Variants in LUZP2 observed in about 807,000 individuals in gnomAD.
LUZP2 encodes leucine zipper protein 2.
LUZP2 carries 52 observed loss-of-function variants against 51.6 expected under a neutral mutation model. The observed-to-expected ratio is 1.01, with a 90% confidence interval of 0.81 to 1.27. LUZP2 has a LOEUF of 1.27. LUZP2 is among the 50% of genes most tolerant of loss of function. LUZP2 has a pLI of 0.00. For missense variants in LUZP2, 436 were observed against 395.4 expected (o/e 1.10, Z -0.87); for synonymous variants, 154 against 137.3 (o/e 1.12, Z -0.85).
chr11:24,979,906 C>T (rs1855979096), intron 8 of LUZP2, among the ~76,000 whole-genome samples: 1 of 151,748 alleles, frequency 6.6e-6, no homozygotes, highest in African/African-American at 2.4e-5. Context: ...TTTGCAACCA[C>T]ACAGTGTCTG....
intron 1 of LUZP2, among the ~76,000 whole-genome samples, chr11:24,516,200 C>A (rs1850458191): frequency 6.6e-6 from 1 of 152,052 alleles, no homozygotes; most frequent in Admixed American, 6.5e-5. Flanking sequence ...GACACTTACA[C>A]TTGATTAATA....
intron 4 of LUZP2, among the ~76,000 whole-genome samples, chr11:24,754,951 G>A (rs1053939178): frequency 2.0e-5 from 3 of 152,084 alleles, no homozygotes; most frequent in African/African-American, 4.8e-5. Context: ...TTCAAGACCA[G>A]CCCGACCAAC....
chr11:25,011,534 G>C (rs902983984), intron 9 of LUZP2, among the ~76,000 whole-genome samples: 1 of 152,142 alleles, frequency 6.6e-6, no homozygotes, highest in Non-Finnish European at 1.5e-5. Flanking sequence ...CGAACATAAG[G>C]TTCAGGCCAT....
intron 1 of LUZP2, among the ~76,000 whole-genome samples, chr11:24,510,674 T>C (rs1298225108): frequency 6.6e-6 from 1 of 152,190 alleles, no homozygotes; most frequent in Non-Finnish European, 1.5e-5. Flanking sequence ...GTATACCACA[T>C]TTATATTATA....
intron 4 of LUZP2, among the ~76,000 whole-genome samples, chr11:24,747,617 T>C (rs372702823): frequency 2.7e-4 from 41 of 151,728 alleles, no homozygotes; most frequent in African/African-American, 8.9e-4. Flanking sequence ...CTCCCAAGAG[T>C]ATATGCCCTT....
chr11:24,538,891 G>T lies in LUZP2; in HGVS notation c.62+41586G>T, dbSNP rs187386223. Among the ~76,000 whole-genome samples, 271 of 151,420 alleles carry T rather than the reference G, an allele frequency of 1.8e-3. 1 individual carries two copies. Among genetic ancestry groups the T allele is most frequent in the African/African-American group, 5.9e-3 (244 of 41,346 alleles). On this transcript the variant is annotated intron_variant, in intron 1 of 11. Coordinates refer to ENST00000336930, the MANE Select transcript of LUZP2 (RefSeq NM_001009909.4). ...TTTCACAAAATCAGTAACTCTAAAG[G>T]TTCTCACCTAGATGGTGTCCATGAC...
At chr11:24,816,976 C>A (rs962086253) in intron 5 of LUZP2, among the ~76,000 whole-genome samples, 61 of 151,784 alleles carry the variant, frequency 4.0e-4, no homozygotes, top group African/African-American at 1.5e-3. Context: ...AAGACATAAC[C>A]CATTACCCTC....
intron 1 of LUZP2, among the ~76,000 whole-genome samples, chr11:24,591,497 G>A (rs1188384328): frequency 6.6e-6 from 1 of 152,082 alleles, no homozygotes; most frequent in Non-Finnish European, 1.5e-5. Context: ...GCATTCCTTT[G>A]GGCAGACAAA....
At chr11:24,512,256 T>G (rs1215513527) in intron 1 of LUZP2, among the ~76,000 whole-genome samples, 1 of 152,068 alleles carries the variant, frequency 6.6e-6, no homozygotes, top group Non-Finnish European at 1.5e-5. Flanking sequence ...GGTAGAATAT[T>G]GGTAGTATAA....
At chr11:24,778,106 C>G (rs1221330558) in intron 5 of LUZP2, among the ~76,000 whole-genome samples, 2 of 151,870 alleles carry the variant, frequency 1.3e-5, no homozygotes, top group African/African-American at 4.8e-5. Flanking sequence ...TTTTCTAAAT[C>G]AAACGTATAG....
intron 9 of LUZP2, among the ~76,000 whole-genome samples, chr11:25,040,620 G>T (rs1466463600): frequency 6.6e-6 from 1 of 152,006 alleles, no homozygotes; most frequent in Non-Finnish European, 1.5e-5. Context: ...CCAGAATATG[G>T]AGCTAATAAT....
chr11:24,779,794 C>T (rs1404599350), intron 5 of LUZP2, among the ~76,000 whole-genome samples: 1 of 152,040 alleles, frequency 6.6e-6, no homozygotes, highest in African/African-American at 2.4e-5. Flanking sequence ...AATGTAATCA[C>T]AACTGTCTTT....
intron 1 of LUZP2, among the ~76,000 whole-genome samples, chr11:24,659,222 C>A (rs1336246483): frequency 1.3e-5 from 2 of 152,108 alleles, no homozygotes; most frequent in South Asian, 2.1e-4. Context: ...ACATATACAC[C>A]ATGGAATACT....
At position 24,892,562 on chromosome 11, in the gene LUZP2, A is replaced by G. The variant is rs75774828; in HGVS notation, c.397-13429A>G. Reference sequence around the variant, plus strand: ...ATTCTCCATAACATTCTGTTTATAGATAAGCCCTATGCTATTTCTAGTCAA... The same window carrying G: ...ATTCTCCATAACATTCTGTTTATAGGTAAGCCCTATGCTATTTCTAGTCAA... On this transcript the variant is annotated intron_variant, in intron 5 of 11. Transcript: ENST00000336930. 3.8e-4 allele frequency: 182 copies of G among 482,236 alleles called. 5 individuals are homozygous for G. In the East Asian group the frequency reaches 0.024, roughly 64 times the overall value. 29.9% of individuals were successfully genotyped at this position (482,236 alleles called of 1,614,324 possible). A position where few individuals can be genotyped will look rare whatever the true frequency, so the allele number is the denominator to read the frequency against.
chr11:25,077,912 T>C (rs1332217204), intron 11 of LUZP2, among the ~76,000 whole-genome samples: 4 of 152,178 alleles, frequency 2.6e-5, no homozygotes, highest in East Asian at 1.9e-4. Context: ...TGCTCTGCTT[T>C]CTACTAAGCT....
At chr11:24,528,183 C>A (rs958653634) in intron 1 of LUZP2, among the ~76,000 whole-genome samples, 1 of 151,066 alleles carries the variant, frequency 6.6e-6, no homozygotes, top group Non-Finnish European at 1.5e-5. Flanking sequence ...AAGCAGATTT[C>A]TCAGCATGTT....
chr11:24,524,901 T>C (rs1850749319), intron 1 of LUZP2, among the ~76,000 whole-genome samples: 1 of 151,646 alleles, frequency 6.6e-6, no homozygotes, highest in Non-Finnish European at 1.5e-5. Context: ...GACAGAACAG[T>C]GGGACTTAGT....
At chr11:24,880,487 G>C (rs1349877949) in intron 5 of LUZP2, among the ~76,000 whole-genome samples, 1 of 152,176 alleles carries the variant, frequency 6.6e-6, no homozygotes, top group Non-Finnish European at 1.5e-5. Context: ...TTGTTAGGGG[G>C]ACGGTTGGTG....
At chr11:24,881,258 A>G (rs1479404367) in intron 5 of LUZP2, among the ~76,000 whole-genome samples, 1 of 152,052 alleles carries the variant, frequency 6.6e-6, no homozygotes, top group East Asian at 1.9e-4. Context: ...GCTGAAGGAA[A>G]GTAAGAGTCA....
Sources: allele counts gnomAD v4.1 joint callset (sites outside exome capture counted in the v4.1 genomes callset), GRCh38; gene constraint gnomAD v4.1.1; transcripts MANE v1.5; gene names NCBI Gene and HGNC (gene_info 2026-07-23, HGNC 2026-07-21).